PTPRC: variants seen among roughly 807,000 people sequenced by gnomAD.
PTPRC encodes receptor-type tyrosine-protein phosphatase C.
In PTPRC, 44 loss-of-function variants were observed where a neutral mutation model predicts 155.9. The observed-to-expected ratio is 0.28, with a 90% CI of 0.22 to 0.36. The LOEUF is 0.36. Among genes scored for constraint, PTPRC ranks in the 10% least tolerant of loss-of-function variants. The probability of loss-of-function intolerance (pLI) is 1.00; values close to 1 mark genes in which losing one functional copy is unlikely to be tolerated. For missense variants in PTPRC, 1,401 were observed against 1,564.6 expected, an observed-to-expected ratio of 0.90 and a Z score of 1.76; for synonymous variants, 525 against 533.1, an observed-to-expected ratio of 0.98 and a Z score of 0.21.
chr1:198,702,046 A>C (rs1666484719), intron 5 of PTPRC, among the ~76,000 whole-genome samples: 1 of 152,160 alleles, frequency 6.6e-6, no homozygotes, highest in Non-Finnish European at 1.5e-5. Context: ...CTAAGACAGC[A>C]CCAGTCTCTA....
At chr1:198,741,267 GA>G (rs1429425838) in intron 23 of PTPRC, among the ~76,000 whole-genome samples, 1 of 151,820 alleles carries the variant, frequency 6.6e-6, no homozygotes, top group Non-Finnish European at 1.5e-5. Context: ...CTTGAAATTA[GA>G]ACAAACCTGA....
intron 2 of PTPRC, among the ~76,000 whole-genome samples, chr1:198,680,268 C>T (rs536415228): frequency 6.6e-6 from 1 of 152,280 alleles, no homozygotes; most frequent in Admixed American, 6.5e-5. Context: ...GCCTGGACAA[C>T]ATGGTGAAGC....
chr1:198,697,849 G>T (rs1666279395), intron 4 of PTPRC, among the ~76,000 whole-genome samples: 1 of 152,174 alleles, frequency 6.6e-6, no homozygotes, highest in Non-Finnish European at 1.5e-5. Context: ...TACTGATGAA[G>T]TTTATTGGAT....
chr1:198,752,574 C>T lies in PTPRC; in HGVS notation c.3331-20C>T, dbSNP rs369694788. 6.2e-7 allele frequency: 1 copy of T among 1,607,474 alleles called. No individual in the cohort carries two copies. The highest frequency in any genetic ancestry group is 8.5e-7 in the Non-Finnish European group (1 of 1,174,882). ...GCTGAACTTCACTCCAGTTAATGCT[C>T]TCTTCAATTCTGATTTTAGAGGAAA... On this transcript the variant is annotated intron_variant, in intron 30 of 32. Coordinates refer to ENST00000442510, the MANE Select transcript of PTPRC (RefSeq NM_002838.5).
chr1:198,754,152 A>C (rs1655513328), intron 31 of PTPRC, 117 bp from the exon 32 acceptor site: 1 of 1,269,660 alleles, frequency 7.9e-7, no homozygotes, highest in Non-Finnish European at 1.1e-6. Context: ...GGTTGGAATA[A>C]GATAATTATG....
intron 2 of PTPRC, among the ~76,000 whole-genome samples, chr1:198,649,779 A>G (rs1663143161): frequency 6.6e-6 from 1 of 151,952 alleles, no homozygotes. Flanking sequence ...ACACAGTGGT[A>G]AAGAAAGCAG....
intron 2 of PTPRC, among the ~76,000 whole-genome samples, chr1:198,690,902 T>C (rs1319490188): frequency 6.6e-6 from 1 of 152,112 alleles, no homozygotes; most frequent in Non-Finnish European, 1.5e-5. Context: ...AAAGCTGCTC[T>C]TTTCAACATT....
chr1:198,734,099 G>T, intron 20 of PTPRC, 97 bp from the exon 21 acceptor site: 2 of 1,156,670 alleles, frequency 1.7e-6, no homozygotes, highest in South Asian at 1.3e-5. Context: ...ATCACAAAAT[G>T]ATGGATCTGA....
chr1:198,653,976 T>C (rs1398501664), intron 2 of PTPRC, among the ~76,000 whole-genome samples: 1 of 151,886 alleles, frequency 6.6e-6, no homozygotes, highest in African/African-American at 2.4e-5. Context: ...AACATCTGGA[T>C]TTGATGGCAA....
intron 4 of PTPRC, among the ~76,000 whole-genome samples, chr1:198,697,923 T>C (rs1193690579): frequency 6.6e-6 from 1 of 152,216 alleles, no homozygotes; most frequent in Non-Finnish European, 1.5e-5. Flanking sequence ...GTGTATTTAA[T>C]CTTCCATTTG....
At chr1:198,709,916 T>C in intron 11 of PTPRC, 92 bp downstream of exon 11, 1 of 1,520,488 alleles carries the variant, frequency 6.6e-7, no homozygotes, top group Non-Finnish European at 9.0e-7. Context: ...ATTGTCTTTT[T>C]GCTGTTTTTG....
intron 3 of PTPRC, chr1:198,693,324 G>C: frequency 4.0e-6 from 1 of 249,846 alleles, no homozygotes; most frequent in South Asian, 1.5e-4. Context: ...TAGCATGGCA[G>C]TGATGTTTTA....
intron 18 of PTPRC, 63 bp from the exon 19 acceptor site, chr1:198,732,237 T>C: frequency 7.7e-7 from 1 of 1,292,938 alleles, no homozygotes; most frequent in Admixed American, 1.7e-5. Flanking sequence ...AAACGGTCAT[T>C]GGTAAGGGGG....
At chr1:198,729,482 A>G (rs562436066) in intron 17 of PTPRC, among the ~76,000 whole-genome samples, 13 of 152,246 alleles carry the variant, frequency 8.5e-5, no homozygotes, top group African/African-American at 3.1e-4. Flanking sequence ...GTCTCAAGTA[A>G]TCCACCCACC....
In PTPRC at chr1:198,744,085, T is replaced by C. The variant is rs1269498153; in HGVS notation, c.2729T>C (p.Val910Ala). Residue 910 changes from valine (V) to alanine (A), a missense_variant, in exon 26 of 33, where the codon GTG (valine) becomes GCG (alanine). By Grantham distance (64) the Val-to-Ala change is moderately conservative (BLOSUM62 0). Around this residue, in one of 3 missense-constraint regions of PTPRC, gnomAD observed 134 missense variants for 204.7 expected, o/e 0.65. Coordinates refer to ENST00000442510, the MANE Select transcript of PTPRC (RefSeq NM_002838.5). Reference sequence around the variant, plus strand: ...TACATCTTGATCCATCAGGCTTTGGTGGAATACAATCAGTTTGGAGAAACA... The same window carrying C: ...TACATCTTGATCCATCAGGCTTTGGCGGAATACAATCAGTTTGGAGAAACA... Reference protein sequence around the residue: ...AQYILIHQALVEYNQFGETEV... With the variant: ...AQYILIHQALAEYNQFGETEV... 2 of 1,605,572 alleles carry C rather than the reference T, an allele frequency of 1.2e-6. No homozygotes were observed. The highest frequency in any genetic ancestry group is 3.3e-5 in the Admixed American group (2 of 59,728).
At position 198,704,320 on chromosome 1, in the gene PTPRC, A is replaced by G; in HGVS notation, c.659-152A>G. 3 of 1,389,622 alleles carry G rather than the reference A, an allele frequency of 2.2e-6. No individual in the cohort carries two copies. The South Asian group carries it at 4.3e-5, about 20-fold the overall frequency. The allele number at this position is 1,389,622 out of a possible 1,614,324, so 86.1% of individuals were successfully genotyped here. On this transcript the variant is annotated intron_variant, in intron 7 of 32. Transcript: ENST00000442510. ...ATAATGCTTTAAGTTTTGAAATGAA[A>G]ACCTGTACTAGGCAAATCCTTCATA...
chr1:198,645,059 C>T (rs952661266), intron 2 of PTPRC, among the ~76,000 whole-genome samples: 13 of 151,714 alleles, frequency 8.6e-5, no homozygotes, highest in African/African-American at 2.4e-4. Context: ...ACCATCCACC[C>T]TCCAAAATAG....
intron 25 of PTPRC, among the ~76,000 whole-genome samples, chr1:198,743,561 T>A (rs991098834): frequency 1.2e-4 from 18 of 151,836 alleles, no homozygotes; most frequent in Admixed American, 5.3e-4. Context: ...TAAATCTGGG[T>A]TTGGCCCATT....
chr1:198,698,041 T>C (rs1042062924), intron 4 of PTPRC, among the ~76,000 whole-genome samples: 6 of 152,194 alleles, frequency 3.9e-5, no homozygotes, highest in African/African-American at 1.2e-4. Context: ...ATGAAGGTGC[T>C]GATGACTAGG....
Sources: gnomAD v4.1 joint callset for allele counts (sites outside exome capture counted in the v4.1 genomes callset) on GRCh38, gnomAD v4.1.1 for gene constraint, gnomAD v4.1.1 regional missense constraint, MANE v1.5 for transcripts, NCBI Gene and HGNC (gene_info 2026-07-23, HGNC 2026-07-21) for gene names.